The following B3GALNT2 variants were observed in gnomAD, a reference collection of about 807,000 sequenced individuals.
B3GALNT2 encodes UDP-GalNAc:beta-1,3-N-acetylgalactosaminyltransferase 2.
A neutral mutation model predicts 61.1 loss-of-function variants in B3GALNT2; 53 were observed. That is an observed-to-expected ratio of 0.87 (90% CI 0.70 to 1.09). The LOEUF (loss-of-function observed/expected upper bound fraction) is 1.09. Ranked by LOEUF, B3GALNT2 falls within the 50% of genes least tolerant of loss-of-function variation. The probability of loss-of-function intolerance (pLI) is 0.00; values close to 1 mark genes in which losing one functional copy is unlikely to be tolerated. For synonymous variants in B3GALNT2, 223 were observed against 237.4 expected (o/e 0.94, Z 0.56); for missense variants, 544 against 623.0 (o/e 0.87, Z 1.35).
intron 1 of B3GALNT2, among the ~76,000 whole-genome samples, chr1:235,499,662 G>A (rs756484480): frequency 2.6e-5 from 4 of 152,224 alleles, no homozygotes; most frequent in Non-Finnish European, 4.4e-5. Flanking sequence ...TAAAGATACA[G>A]GAGAAAGTGC....
chr1:235,451,810 A>G (rs1558405952), intron 11 of B3GALNT2: 3 of 152,170 alleles, frequency 2.0e-5, no homozygotes, highest in African/African-American at 4.8e-5. Context: ...CAGAACAGAA[A>G]TCTCTGAAGC....
chr1:235,496,547 CTTTTT>C (rs1396277043), intron 1 of B3GALNT2, among the ~76,000 whole-genome samples: 2 of 133,404 alleles, frequency 1.5e-5, no homozygotes, highest in Non-Finnish European at 1.6e-5. Context: ...GTACTTGTTT[CTTTTT>C]TTTTTTTTTT....
chr1:235,474,967 ATATATATATATATATATATATT>A (rs1422997322), intron 5 of B3GALNT2, among the ~76,000 whole-genome samples: 4 of 25,428 alleles, frequency 1.6e-4, no homozygotes, highest in African/African-American at 4.7e-4. Context: ...ATATATATAT[ATATATATATATATATATATATT>A]TTTTTTTTTT....
chr1:235,472,723 G>T (rs1684058713), intron 5 of B3GALNT2, among the ~76,000 whole-genome samples: 2 of 151,982 alleles, frequency 1.3e-5, no homozygotes, highest in South Asian at 4.1e-4. Context: ...AGGATTAAAT[G>T]AAAGATATAC....
At chr1:235,460,124 T>TC (rs1683353353) in intron 7 of B3GALNT2, among the ~76,000 whole-genome samples, 7 of 150,370 alleles carry the variant, frequency 4.7e-5, no homozygotes, top group East Asian at 2.0e-4. Flanking sequence ...TCTTTCTTTT[T>TC]TGTTTTTGAG....
At chr1:235,493,908 T>C (rs954484520) in intron 2 of B3GALNT2, among the ~76,000 whole-genome samples, 3 of 152,238 alleles carry the variant, frequency 2.0e-5, no homozygotes, top group African/African-American at 7.2e-5. Context: ...AGTCAACTTC[T>C]ATGCGTTTCT....
In B3GALNT2 at chr1:235,449,490, T is replaced by C. The variant is rs943810000; in HGVS notation, c.*716A>G. On this transcript the variant is annotated 3_prime_UTR_variant, in exon 12 of 12. Transcript: ENST00000366600. Reference sequence around the variant, plus strand: ...TTGCTTTTATTCATACTCACACAACTTTAGCATTTAAAAACTATGAGTACT... The same window carrying C: ...TTGCTTTTATTCATACTCACACAACCTTAGCATTTAAAAACTATGAGTACT... 1 of 152,758 alleles carries C rather than the reference T, an allele frequency of 6.5e-6. No homozygotes were observed. The highest frequency in any genetic ancestry group is 1.5e-5 in the Non-Finnish European group (1 of 68,490). The allele number at this position is 152,758 out of a possible 1,614,324, so 9.5% of individuals were successfully genotyped here. A position where few individuals can be genotyped will look rare whatever the true frequency, so the allele number is the denominator to read the frequency against.
intron 4 of B3GALNT2, among the ~76,000 whole-genome samples, chr1:235,483,178 AC>A: frequency 6.6e-6 from 1 of 152,222 alleles, no homozygotes; most frequent in African/African-American, 2.4e-5. Context: ...CAGAAGAGTC[AC>A]TAAACTTGAA....
chr1:235,465,592 T>G, intron 7 of B3GALNT2, 44 bp downstream of exon 7: 1 of 1,606,920 alleles, frequency 6.2e-7, no homozygotes, highest in Non-Finnish European at 8.5e-7. Context: ...AGATTAAGTA[T>G]AAGACATTCA....
At chr1:235,491,213 C>A (rs1040872230) in intron 2 of B3GALNT2, among the ~76,000 whole-genome samples, 1 of 152,084 alleles carries the variant, frequency 6.6e-6, no homozygotes, top group African/African-American at 2.4e-5. Flanking sequence ...TTAGTCCTCA[C>A]CTCACTGTTT....
intron 5 of B3GALNT2, among the ~76,000 whole-genome samples, chr1:235,474,987 ATTTTTT>A (rs1160445883): frequency 1.4e-4 from 5 of 35,572 alleles, no homozygotes; most frequent in Admixed American, 5.2e-4. Context: ...ATATATATAT[ATTTTTT>A]TTTTTTTTTT....
At chr1:235,468,730 C>G (rs762611180) in intron 6 of B3GALNT2, among the ~76,000 whole-genome samples, 63 of 151,928 alleles carry the variant, frequency 4.1e-4, no homozygotes, top group Non-Finnish European at 8.5e-4. Flanking sequence ...GGATTACAGG[C>G]GTGAGCCACC....
chr1:235,477,585 A>G (rs948987016), intron 5 of B3GALNT2, among the ~76,000 whole-genome samples: 1 of 124,566 alleles, frequency 8.0e-6, no homozygotes, highest in African/African-American at 3.1e-5. Flanking sequence ...CTCAGCACCA[A>G]TGACATTTTG....
chr1:235,454,379 T>C, intron 9 of B3GALNT2, 64 bp from the exon 10 acceptor site: 2 of 1,427,494 alleles, frequency 1.4e-6, no homozygotes, highest in South Asian at 1.3e-5. Flanking sequence ...CTATTAAAAC[T>C]TGACTCCTTT....
intron 3 of B3GALNT2, 152 bp downstream of exon 3, chr1:235,489,016 C>T (rs968649173): frequency 3.7e-5 from 39 of 1,068,160 alleles, no homozygotes; most frequent in Middle Eastern, 3.4e-4. Flanking sequence ...TGCCACTGCA[C>T]GCCAGCCTAG....
the B3GALNT2 span, chr1:235,441,340 G>A: frequency 3.3e-5 from 7 of 214,698 alleles, no homozygotes; most frequent in East Asian, 1.2e-4. Flanking sequence ...GGCACTGCAC[G>A]GTCTGGTGGA....
At chr1:235,465,371 T>C in intron 7 of B3GALNT2, 1 of 352,644 alleles carries the variant, frequency 2.8e-6, no homozygotes, top group Admixed American at 5.1e-5. Flanking sequence ...AGAAAGAAAG[T>C]GCATCAGTAG....
At position 235,450,329 on chromosome 1, in the gene B3GALNT2, CCA is replaced by C; in HGVS notation, c.1378_1379del (p.Trp460AlafsTer3). On this transcript the variant is annotated frameshift_variant, in exon 12 of 12. Transcript: ENST00000366600. LOFTEE classifies it high-confidence loss of function. ...CTGTCTCACAGGTCTTCTCACACAG[CCA>C]CAGACTGTCCTGTTGAGAAACAACC... ...IGPKRYQDSL[W>X]LCEKTCETGM... 4 of 1,614,038 alleles carry C rather than the reference CCA, an allele frequency of 2.5e-6. No individual in the cohort carries two copies. Among genetic ancestry groups the C allele is most frequent in the Non-Finnish European group, 3.4e-6 (4 of 1,179,926 alleles).
chr1:235,461,186 G>C (rs1683411619), intron 7 of B3GALNT2, among the ~76,000 whole-genome samples: 1 of 152,234 alleles, frequency 6.6e-6, no homozygotes, highest in Non-Finnish European at 1.5e-5. Flanking sequence ...GTGGGAAGCT[G>C]AAGGCCTATA....
Sources: gnomAD v4.1 joint callset for allele counts (sites outside exome capture counted in the v4.1 genomes callset) on GRCh38, gnomAD v4.1.1 for gene constraint, MANE v1.5 for transcripts, NCBI Gene and HGNC (gene_info 2026-07-23, HGNC 2026-07-21) for gene names.